The following NARS2 variants were observed in gnomAD, a reference collection of about 807,000 sequenced individuals.
NARS2 encodes asparaginyl-tRNA synthetase.
A neutral mutation model predicts 62.9 loss-of-function variants in NARS2; 60 were observed. The observed-to-expected ratio is 0.95, with a 90% CI of 0.77 to 1.18. The LOEUF (loss-of-function observed/expected upper bound fraction) is 1.18. Ranked by LOEUF, NARS2 falls within the 50% of genes most tolerant of loss-of-function variation. The pLI is 0.00. For missense variants in NARS2, 619 were observed against 576.4 expected (o/e 1.07, Z -0.76); for synonymous variants, 196 against 200.0 (o/e 0.98, Z 0.17).
intron 11 of NARS2, chr11:78,443,968 T>G (rs1034026612): frequency 6.1e-6 from 2 of 327,136 alleles, no homozygotes; most frequent in Admixed American, 4.3e-5. Flanking sequence ...TCTTCATAAA[T>G]GTGATAGAAA....
chr11:78,496,747 G>A (rs546551184), intron 6 of NARS2, among the ~76,000 whole-genome samples: 131 of 147,344 alleles, frequency 8.9e-4, no homozygotes, highest in Middle Eastern at 6.9e-3. Flanking sequence ...ATATATTCTC[G>A]TCAATACTTT....
intron 7 of NARS2, among the ~76,000 whole-genome samples, chr11:78,479,539 T>C (rs1034054609): frequency 4.6e-5 from 7 of 152,110 alleles, no homozygotes; most frequent in African/African-American, 1.7e-4. Flanking sequence ...TATTCTACCA[T>C]GGGTGCCCAT....
chr11:78,517,839 G>C (rs985076647), intron 6 of NARS2, among the ~76,000 whole-genome samples: 1 of 152,146 alleles, frequency 6.6e-6, no homozygotes, highest in South Asian at 2.1e-4. Context: ...CATTTATACC[G>C]ATAGTCTGTT....
intron 11 of NARS2, among the ~76,000 whole-genome samples, chr11:78,460,224 G>T (rs1591146628): frequency 1.3e-5 from 2 of 151,956 alleles, no homozygotes; most frequent in South Asian, 2.1e-4. Flanking sequence ...AAGAGCAAAG[G>T]GAGGCCACTG....
At chr11:78,562,813 T>G (rs1856599700) in intron 4 of NARS2, among the ~76,000 whole-genome samples, 1 of 152,234 alleles carries the variant, frequency 6.6e-6, no homozygotes, top group African/African-American at 2.4e-5. Flanking sequence ...TAACCTTAGA[T>G]CCTTAAAGTG....
intron 7 of NARS2, among the ~76,000 whole-genome samples, chr11:78,479,462 T>A (rs1362292433): frequency 6.6e-6 from 1 of 152,102 alleles, no homozygotes; most frequent in Non-Finnish European, 1.5e-5. Context: ...TGAGCCATGA[T>A]CACGCCACTG....
rs1857526909 is a variant in NARS2 at position 78,439,997 on chromosome 11, C to T, written c.1289+1094G>A. Among the ~76,000 whole-genome samples, 4 of 152,060 alleles carry T rather than the reference C, an allele frequency of 2.6e-5. No homozygotes were observed. In the South Asian group the frequency reaches 8.3e-4, roughly 32 times the overall value. ...CGTGGGGGCATTAGGGATCACTTAG[C>T]TCAAGCCCCTAATTTCACACATAAA... On this transcript the variant is annotated intron_variant, in intron 13 of 13. Transcript: ENST00000281038.
chr11:78,515,792 G>A (rs781118103), intron 6 of NARS2, among the ~76,000 whole-genome samples: 10 of 152,158 alleles, frequency 6.6e-5, no homozygotes, highest in Non-Finnish European at 1.3e-4. Context: ...CCAAAGCCCT[G>A]AGATTACAGC....
At chr11:78,543,185 A>G (rs1198305543) in intron 5 of NARS2, among the ~76,000 whole-genome samples, 1 of 152,208 alleles carries the variant, frequency 6.6e-6, no homozygotes, top group Non-Finnish European at 1.5e-5. Context: ...GTCAAAAAAA[A>G]AGAATAAGCC....
intron 11 of NARS2, 47 bp downstream of exon 11, chr11:78,465,829 C>T (rs758592616): frequency 6.2e-7 from 1 of 1,602,492 alleles, no homozygotes; most frequent in Non-Finnish European, 8.5e-7. Flanking sequence ...AAATGAAAAA[C>T]CCAACCTAAG....
chr11:78,488,164 A>G (rs1246829236), intron 7 of NARS2, among the ~76,000 whole-genome samples: 1 of 152,012 alleles, frequency 6.6e-6, no homozygotes, highest in African/African-American at 2.4e-5. Flanking sequence ...TTGGCAGAAT[A>G]ATATTTATCC....
At chr11:78,569,389 A>G (rs1590877922) in intron 2 of NARS2, among the ~76,000 whole-genome samples, 2 of 152,220 alleles carry the variant, frequency 1.3e-5, no homozygotes, top group South Asian at 4.1e-4. Flanking sequence ...ACCTGGGCTC[A>G]AGCAATCCTC....
At chr11:78,472,497 CATA>C (rs1311548598) in intron 9 of NARS2, among the ~76,000 whole-genome samples, 2 of 152,082 alleles carry the variant, frequency 1.3e-5, no homozygotes, top group African/African-American at 4.8e-5. Flanking sequence ...TTTTCAGAAC[CATA>C]ATAATATAAA....
At chr11:78,563,086 G>A (rs573555245) in intron 4 of NARS2, among the ~76,000 whole-genome samples, 1 of 152,008 alleles carries the variant, frequency 6.6e-6, no homozygotes, top group East Asian at 1.9e-4. Context: ...CATAAAGGTA[G>A]GTAACAGAAT....
chr11:78,510,240 C>T (rs575050644), intron 6 of NARS2, among the ~76,000 whole-genome samples: 2 of 152,084 alleles, frequency 1.3e-5, no homozygotes, highest in Admixed American at 6.6e-5. Context: ...AAAAGATTCA[C>T]TTTAGATACA....
chr11:78,436,453 A>G lies in NARS2; in HGVS notation c.*217T>C, dbSNP rs554075537. On this transcript the variant is annotated 3_prime_UTR_variant, in exon 14 of 14. Coordinates refer to ENST00000281038, the MANE Select transcript of NARS2 (RefSeq NM_024678.6). ...TAATGGATTTGAGAGTCCCCTTGCT[A>G]TAAGTACCTCTTCTTGCGGGAGCTC... 9.7e-6 allele frequency: 5 copies of G among 514,754 alleles called. No individual in the cohort carries two copies. Among genetic ancestry groups the G allele is most frequent in the African/African-American group, 3.8e-5 (2 of 52,016 alleles). 31.9% of individuals were successfully genotyped at this position (514,754 alleles called of 1,614,324 possible). A position where few individuals can be genotyped will look rare whatever the true frequency, so the allele number is the denominator to read the frequency against.
At chr11:78,441,250 TACTC>T (rs1300897603) in intron 12 of NARS2, 133 bp from the exon 13 acceptor site, 3 of 702,386 alleles carry the variant, frequency 4.3e-6, no homozygotes, top group Non-Finnish European at 7.1e-6. Flanking sequence ...TCTCAAGTAA[TACTC>T]AATATAGTTG....
chr11:78,485,901 T>C (rs878989741), intron 7 of NARS2, among the ~76,000 whole-genome samples: 1 of 152,028 alleles, frequency 6.6e-6, no homozygotes, highest in East Asian at 1.9e-4. Flanking sequence ...TGAGACGGAG[T>C]CTTGCTCTTG....
chr11:78,542,744 T>C (rs58561463), intron 5 of NARS2, among the ~76,000 whole-genome samples: 1 of 152,192 alleles, frequency 6.6e-6, no homozygotes, highest in African/African-American at 2.4e-5. Context: ...GACTCTACTT[T>C]AAAAATTAGC....
Sources: gnomAD v4.1 joint callset for allele counts (sites outside exome capture counted in the v4.1 genomes callset) on GRCh38, gnomAD v4.1.1 for gene constraint, MANE v1.5 for transcripts, NCBI Gene and HGNC (gene_info 2026-07-23, HGNC 2026-07-21) for gene names.